The following R3HCC1L variants were observed in gnomAD, a reference collection of about 807,000 sequenced individuals.
The protein encoded by R3HCC1L is R3H domain and coiled-coil containing 1 like, also known as coiled-coil domain-containing protein R3HCC1L.
A neutral mutation model predicts 59.9 loss-of-function variants in R3HCC1L; 51 were observed. That is an observed-to-expected ratio of 0.85 (90% CI 0.68 to 1.07). The LOEUF (loss-of-function observed/expected upper bound fraction) is 1.07. R3HCC1L is among the 50% of genes least tolerant of loss of function. R3HCC1L has a pLI of 0.00. For missense variants in R3HCC1L, 965 were observed against 933.0 expected (o/e 1.03, Z -0.45); for synonymous variants, 322 against 315.2 (o/e 1.02, Z -0.23).
intron 9 of R3HCC1L, among the ~76,000 whole-genome samples, chr10:98,243,768 C>T (rs925736404): frequency 1.3e-5 from 2 of 152,136 alleles, no homozygotes; most frequent in African/African-American, 4.8e-5. Context: ...TGTTGAAGCA[C>T]TAAACATAGT....
chr10:98,235,621 A>G, intron 8 of R3HCC1L, 101 bp downstream of exon 8: 2 of 863,028 alleles, frequency 2.3e-6, no homozygotes, highest in East Asian at 5.7e-5. Flanking sequence ...TATCACTTTT[A>G]TTTTTAGTGT....
chr10:98,156,593 G>A (rs576144053), intron 2 of R3HCC1L, among the ~76,000 whole-genome samples: 7 of 152,320 alleles, frequency 4.6e-5, no homozygotes, highest in Non-Finnish European at 7.4e-5. Flanking sequence ...TTTATATAGT[G>A]TTTTGGGGGA....
chr10:98,218,127 T>C (rs746938644), intron 5 of R3HCC1L, among the ~76,000 whole-genome samples: 6 of 152,180 alleles, frequency 3.9e-5, no homozygotes, highest in Admixed American at 6.5e-5. Context: ...CCATTCATCA[T>C]AATGTTAGGT....
intron 9 of R3HCC1L, among the ~76,000 whole-genome samples, chr10:98,236,767 T>C (rs1293631056): frequency 6.6e-6 from 1 of 152,210 alleles, no homozygotes; most frequent in Non-Finnish European, 1.5e-5. Flanking sequence ...TTCTTTCTTA[T>C]AGTTTGGAGC....
chr10:98,162,695 T>TACA (rs1466595329), intron 2 of R3HCC1L, among the ~76,000 whole-genome samples, 188 bp from the exon 3 acceptor site: 1 of 151,810 alleles, frequency 6.6e-6, no homozygotes, highest in African/African-American at 2.4e-5. Flanking sequence ...TGTGTGTGTG[T>TACA]CTCTGTGTGT....
Position 98,173,691 on chromosome 10 carries a change from G to A in R3HCC1L, c.-15+10294G>A, listed in dbSNP as rs80218205. ...AGAGTGGGCAGTGATTAATCACAGG[G>A]CCACACCCCTCCCCCTACTCTTTTT... On this transcript the variant is annotated intron_variant, in intron 4 of 9. Transcript: ENST00000298999. Among the ~76,000 whole-genome samples, 181 of 152,162 alleles carry A rather than the reference G, an allele frequency of 1.2e-3. 1 individual carries two copies. The highest frequency in any genetic ancestry group is 4.1e-3 in the African/African-American group (172 of 41,518).
chr10:98,208,043 A>T, intron 4 of R3HCC1L, 58 bp from the exon 5 acceptor site: 1 of 1,441,896 alleles, frequency 6.9e-7, no homozygotes, highest in Non-Finnish European at 9.3e-7. Flanking sequence ...AAAAGAAAAT[A>T]TTTTGGTTCA....
At chr10:98,229,991 T>C (rs1455287685) in intron 5 of R3HCC1L, among the ~76,000 whole-genome samples, 3 of 152,202 alleles carry the variant, frequency 2.0e-5, no homozygotes, top group African/African-American at 4.8e-5. Flanking sequence ...GCCAGTATTT[T>C]ATTGAGGATT....
Position 98,209,718 on chromosome 10 carries a change from A to C in R3HCC1L, c.1604A>C (p.Asp535Ala), listed in dbSNP as rs34494334. 0.19 allele frequency: 308,607 copies of C among 1,613,702 alleles called. 31,282 individuals carry two copies. The highest frequency in any genetic ancestry group is 0.21 in the Non-Finnish European group (241,866 of 1,179,800). ...AEEFKTEEQDDSGSIEFGVSF... is the reference protein window; with the variant it reads ...AEEFKTEEQDASGSIEFGVSF... ...GAGTTCAAAACAGAAGAGCAAGATG[A>C]CTCAGGGAGTATAGAATTTGGTGTA... Residue 535 changes from aspartate (D) to alanine (A), a missense_variant, in exon 5 of 10, where the codon GAC becomes GCC. Asp to Ala is a moderately radical substitution (Grantham distance 126). Transcript: ENST00000298999.
intron 2 of R3HCC1L, among the ~76,000 whole-genome samples, chr10:98,161,755 TC>T (rs1847442399): frequency 6.6e-6 from 1 of 152,180 alleles, no homozygotes; most frequent in South Asian, 2.1e-4. Flanking sequence ...TTCTGGACTT[TC>T]TATTTCTGTG....
intron 5 of R3HCC1L, among the ~76,000 whole-genome samples, chr10:98,212,722 T>C (rs1853726475): frequency 6.6e-6 from 1 of 152,192 alleles, no homozygotes; most frequent in Non-Finnish European, 1.5e-5. Context: ...CTGCCATCTG[T>C]ACTGATCATC....
chr10:98,173,718 C>T (rs534327792), intron 4 of R3HCC1L, among the ~76,000 whole-genome samples: 1 of 151,792 alleles, frequency 6.6e-6, no homozygotes, highest in Non-Finnish European at 1.5e-5. Flanking sequence ...ACTCTTTTTT[C>T]CCCCTAACCA....
chr10:98,229,865 T>TTA (rs1234920269), intron 5 of R3HCC1L, among the ~76,000 whole-genome samples: 2 of 152,204 alleles, frequency 1.3e-5, no homozygotes, highest in African/African-American at 4.8e-5. Context: ...TTGGTTCTGT[T>TTA]TATATGCTGG....
rs1219056676 is a variant in R3HCC1L, at chr10:98,244,186, A to T, written c.*28A>T. ...ATCACTCAATGAAAGGGATAATTCC[A>T]TGAATCAGAAAATGTTTCCATAGCC... On this transcript the variant is annotated 3_prime_UTR_variant, in exon 10 of 10. Transcript: ENST00000298999. 1 of 1,598,802 alleles carries T rather than the reference A, an allele frequency of 6.3e-7. No homozygotes were observed. The highest frequency in any genetic ancestry group is 8.6e-7 in the Non-Finnish European group (1 of 1,166,360).
chr10:98,157,476 C>G (rs572715175), intron 2 of R3HCC1L, among the ~76,000 whole-genome samples: 2 of 152,234 alleles, frequency 1.3e-5, no homozygotes, highest in African/African-American at 4.8e-5. Flanking sequence ...AGGAGGGGAT[C>G]TCAGGATCGC....
chr10:98,148,291 A>G (rs1464435848), intron 1 of R3HCC1L, among the ~76,000 whole-genome samples: 4 of 151,970 alleles, frequency 2.6e-5, no homozygotes, highest in African/African-American at 9.7e-5. Flanking sequence ...TTTTTGGTGG[A>G]ATCTTTAGGT....
At chr10:98,151,467 G>C (rs145530362) in intron 1 of R3HCC1L, among the ~76,000 whole-genome samples, 329 of 152,246 alleles carry the variant, frequency 2.2e-3, no homozygotes, top group African/African-American at 5.5e-3. Context: ...GTAAATATTA[G>C]CTATTTATTA....
At chr10:98,165,158 G>A (rs1384342237) in intron 4 of R3HCC1L, among the ~76,000 whole-genome samples, 1 of 152,194 alleles carries the variant, frequency 6.6e-6, no homozygotes, top group Non-Finnish European at 1.5e-5. Context: ...CTATTCTGGA[G>A]GCTGAGACAA....
chr10:98,181,770 A>G (rs536107305), intron 4 of R3HCC1L, among the ~76,000 whole-genome samples: 5 of 152,246 alleles, frequency 3.3e-5, no homozygotes, highest in South Asian at 2.1e-4. Context: ...TTGATCTTCA[A>G]TCACAGATAC....
Sources: allele counts gnomAD v4.1 joint callset (sites outside exome capture counted in the v4.1 genomes callset), GRCh38; gene constraint gnomAD v4.1.1; transcripts MANE v1.5; gene names NCBI Gene and HGNC (gene_info 2026-07-23, HGNC 2026-07-21).